Variants in DRGX observed in about 807,000 individuals in gnomAD.
DRGX encodes the protein dorsal root ganglia homeobox protein.
A neutral mutation model predicts 28.6 loss-of-function variants in DRGX; 21 were observed. The observed-to-expected ratio is 0.73, with a 90% CI of 0.52 to 1.06. The LOEUF (loss-of-function observed/expected upper bound fraction) is 1.06, where lower values mean the gene tolerates loss of function less well. Ranked by LOEUF, DRGX falls within the 50% of genes least tolerant of loss-of-function variation. The probability of loss-of-function intolerance (pLI) is 0.00; values close to 1 mark genes in which losing one functional copy is unlikely to be tolerated. For synonymous variants in DRGX, 136 were observed against 139.1 expected (o/e 0.98, Z 0.16); for missense variants, 354 against 343.9 (o/e 1.03, Z -0.23).
At chr10:49,395,314 G>A in intron 2 of DRGX, 93 bp downstream of exon 2, 2 of 1,488,832 alleles carry the variant, frequency 1.3e-6, no homozygotes, top group Non-Finnish European at 1.8e-6. Flanking sequence ...CCCGCAGGGC[G>A]GGGACCCAGC....
At chr10:49,380,153 C>G (rs1288524691) in intron 6 of DRGX, among the ~76,000 whole-genome samples, 1 of 152,222 alleles carries the variant, frequency 6.6e-6, no homozygotes, top group Non-Finnish European at 1.5e-5. Context: ...GCTGTCCTGC[C>G]CAGTGCAGGG....
At chr10:49,369,563 A>C (rs1332859817) in intron 6 of DRGX, among the ~76,000 whole-genome samples, 2 of 152,090 alleles carry the variant, frequency 1.3e-5, no homozygotes, top group Non-Finnish European at 2.9e-5. Flanking sequence ...ATTCCCAGAG[A>C]CAGAAGTAGA....
At chr10:49,372,806 T>A (rs1327527511) in intron 6 of DRGX, among the ~76,000 whole-genome samples, 1 of 152,228 alleles carries the variant, frequency 6.6e-6, no homozygotes, top group Non-Finnish European at 1.5e-5. Context: ...CGTACACTTT[T>A]TCACAGCTGT....
At chr10:49,380,944 T>C (rs7903692) in intron 6 of DRGX, among the ~76,000 whole-genome samples, 59,349 of 152,072 alleles carry the variant, frequency 0.39, 12,225 homozygotes, top group Middle Eastern at 0.52. Context: ...TGCTCTAGCT[T>C]GTGTTCTCCT....
At chr10:49,373,743 C>T (rs1442230043) in intron 6 of DRGX, among the ~76,000 whole-genome samples, 1 of 152,060 alleles carries the variant, frequency 6.6e-6, no homozygotes, top group Non-Finnish European at 1.5e-5. Flanking sequence ...TTTATAAGTC[C>T]CCGGGTTTAC....
Position 49,366,248 on chromosome 10 carries a change from G to T in DRGX, c.660C>A (p.Val220=). The T allele has an allele frequency of 6.2e-7, 1 of 1,613,988 alleles. No individual in the cohort carries two copies. ...AAGGCAGGAGGTTGGCTGACTGCAGGACAGCTTCTGAGTGCTCGCGGGCCT... is the reference window on the plus strand; with the variant it reads ...AAGGCAGGAGGTTGGCTGACTGCAGTACAGCTTCTGAGTGCTCGCGGGCCT... ...RMKAREHSEA[V]LQSANLLPST... is the part of the protein sequence containing the mutation. The change falls in exon 7 of 7, where the codon GTC becomes GTA. Residue 220 remains valine (V), a synonymous_variant. Coordinates refer to ENST00000374139, the MANE Select transcript of DRGX (RefSeq NM_001276451.2).
chr10:49,366,824 ATGTCAGG>A (rs1849606998), intron 6 of DRGX, among the ~76,000 whole-genome samples: 1 of 152,226 alleles, frequency 6.6e-6, no homozygotes, highest in Non-Finnish European at 1.5e-5. Context: ...CCAGCCACAC[ATGTCAGG>A]TGCCGGGCAA....
rs561016652 is a variant in DRGX, at chr10:49,388,844, C to T, written c.234+1289G>A. Among the ~76,000 whole-genome samples the T allele has an allele frequency of 2.6e-4, 40 of 152,300 alleles. No individual in the cohort carries two copies. In the South Asian group the frequency reaches 5.2e-3, roughly 20 times the overall value. On this transcript the variant is annotated intron_variant, in intron 4 of 6. Transcript: ENST00000374139. ...TCTCCCTTCCCACCACCAAAGCCCA[C>T]GTCCCCACATGGAGGCTCACTAAAC...
At chr10:49,391,138 T>G in intron 3 of DRGX, 26 bp downstream of exon 3, 1 of 1,611,810 alleles carries the variant, frequency 6.2e-7, no homozygotes, top group South Asian at 1.1e-5. Context: ...GTAGCTGATG[T>G]TTGAAAGGAG....
intron 6 of DRGX, among the ~76,000 whole-genome samples, chr10:49,370,043 G>C (rs1425280471): frequency 6.6e-6 from 1 of 152,116 alleles, no homozygotes; most frequent in African/African-American, 2.4e-5. Flanking sequence ...TTGACTATTG[G>C]TGAGAGGGGC....
intron 3 of DRGX, among the ~76,000 whole-genome samples, chr10:49,390,591 G>A (rs1011951021): frequency 1.3e-5 from 2 of 152,154 alleles, no homozygotes; most frequent in South Asian, 2.1e-4. Context: ...TAGGAAGCCA[G>A]GGAACAGAAA....
intron 4 of DRGX, among the ~76,000 whole-genome samples, chr10:49,388,937 T>C (rs187803825): frequency 1.3e-5 from 2 of 152,330 alleles, no homozygotes; most frequent in East Asian, 3.9e-4. Context: ...TTCCCGGCTT[T>C]AATTGTCACC....
chr10:49,373,622 A>G (rs1849683511), intron 6 of DRGX, among the ~76,000 whole-genome samples: 1 of 152,242 alleles, frequency 6.6e-6, no homozygotes, highest in African/African-American at 2.4e-5. Context: ...ACAAGGACAC[A>G]GCAACAAGAT....
intron 6 of DRGX, among the ~76,000 whole-genome samples, chr10:49,385,785 C>T (rs1260483250): frequency 6.6e-6 from 1 of 152,094 alleles, no homozygotes; most frequent in Non-Finnish European, 1.5e-5. Context: ...CACTCACTCC[C>T]CCAGACGCAC....
intron 6 of DRGX, among the ~76,000 whole-genome samples, chr10:49,376,318 C>T (rs577183954): frequency 6.6e-6 from 1 of 152,164 alleles, no homozygotes; most frequent in African/African-American, 2.4e-5. Context: ...AGCCACTTTC[C>T]CCATGAGGAA....
chr10:49,386,413 C>A (rs953858036), intron 6 of DRGX, 65 bp downstream of exon 6: 2 of 1,395,252 alleles, frequency 1.4e-6, no homozygotes, highest in Non-Finnish European at 1.9e-6. Flanking sequence ...AGACCCAGGC[C>A]GGTCACACAA....
chr10:49,383,647 G>A (rs981381564), intron 6 of DRGX, among the ~76,000 whole-genome samples: 4 of 152,230 alleles, frequency 2.6e-5, no homozygotes, highest in African/African-American at 9.6e-5. Flanking sequence ...ATGGCGTTCA[G>A]AGGCAGGGCC....
chr10:49,393,914 G>A lies in DRGX; in HGVS notation c.34+1493C>T, dbSNP rs551051684. ...CTAACTCACTGCTGCAGTCCACCCC[G>A]CAGACAGACATTCATGACGTCCCCT... On this transcript the variant is annotated intron_variant, in intron 2 of 6. Coordinates refer to ENST00000374139, the MANE Select transcript of DRGX (RefSeq NM_001276451.2). Among the ~76,000 whole-genome samples the A allele has an allele frequency of 1.3e-4, 20 of 152,224 alleles. No homozygotes were observed. In the South Asian group the frequency reaches 3.5e-3, roughly 27 times the overall value.
At chr10:49,367,966 C>G (rs374066038) in intron 6 of DRGX, among the ~76,000 whole-genome samples, 3 of 152,346 alleles carry the variant, frequency 2.0e-5, no homozygotes, top group South Asian at 4.1e-4. Context: ...CGGAGCTACA[C>G]CAGCTTTTCC....
Sources: allele counts gnomAD v4.1 joint callset (sites outside exome capture counted in the v4.1 genomes callset), GRCh38; gene constraint gnomAD v4.1.1; transcripts MANE v1.5; gene names NCBI Gene and HGNC (gene_info 2026-07-23, HGNC 2026-07-21).